The following ADAMTSL1 variants were observed in gnomAD, a reference collection of about 807,000 sequenced individuals.
ADAMTSL1 encodes ADAMTS-like protein 1.
Under a neutral mutation model 201.8 loss-of-function variants are expected in ADAMTSL1, and 126 were observed. The observed-to-expected ratio is 0.62, with a 90% CI of 0.54 to 0.72. The LOEUF (loss-of-function observed/expected upper bound fraction) is 0.72, where lower values mean the gene tolerates loss of function less well. Among genes scored for constraint, ADAMTSL1 ranks in the 30% least tolerant of loss-of-function variants. The pLI is 0.00. For synonymous variants in ADAMTSL1, 1,121 were observed against 903.4 expected (o/e 1.24, Z -4.32); for missense variants, 2,679 against 2,277.8 (o/e 1.18, Z -3.59).
intron 2 of ADAMTSL1, among the ~76,000 whole-genome samples, chr9:18,313,501 A>C (rs1450532266): frequency 6.6e-6 from 1 of 152,188 alleles, no homozygotes; most frequent in Non-Finnish European, 1.5e-5. Flanking sequence ...AAACCTCCAG[A>C]GATTTTGATT....
intron 2 of ADAMTSL1, among the ~76,000 whole-genome samples, chr9:18,210,019 G>C (rs1479184475): frequency 2.6e-5 from 4 of 152,138 alleles, no homozygotes; most frequent in African/African-American, 9.6e-5. Context: ...AACAAAGTCT[G>C]CTTTATAAGT....
At chr9:18,245,840 A>T (rs961347235) in intron 2 of ADAMTSL1, among the ~76,000 whole-genome samples, 3 of 152,172 alleles carry the variant, frequency 2.0e-5, no homozygotes, top group Non-Finnish European at 2.9e-5. Flanking sequence ...AAGTTTCTGC[A>T]TGCAAAATTT....
chr9:18,861,531 C>T (rs1827216969), intron 23 of ADAMTSL1, among the ~76,000 whole-genome samples: 1 of 152,196 alleles, frequency 6.6e-6, no homozygotes, highest in African/African-American at 2.4e-5. Context: ...CTGAGAACCA[C>T]ACCCAAAGAA....
At chr9:18,146,042 C>T (rs887150657) in intron 1 of ADAMTSL1, among the ~76,000 whole-genome samples, 2 of 152,046 alleles carry the variant, frequency 1.3e-5, no homozygotes, top group African/African-American at 2.4e-5. Flanking sequence ...ATACTACACA[C>T]CTATTAGAAT....
chr9:18,094,560 T>G (rs1402188060), intron 1 of ADAMTSL1, among the ~76,000 whole-genome samples: 1 of 152,038 alleles, frequency 6.6e-6, no homozygotes, highest in Non-Finnish European at 1.5e-5. Context: ...TGACTCTGCC[T>G]CATTTCATCA....
In ADAMTSL1 at chr9:18,703,701, CATATATATATATATAT is replaced by C. The variant is rs72258520; in HGVS notation, c.1575-3027_1575-3012del. Among the ~76,000 whole-genome samples the C allele has an allele frequency of 5.6e-3, 442 of 78,826 alleles. 20 individuals carry two copies. Among genetic ancestry groups the C allele is most frequent in the African/African-American group, 9.5e-3 (203 of 21,342 alleles). 51.7% of individuals were successfully genotyped at this position (78,826 alleles called of 152,430 possible). On this transcript the variant is annotated intron_variant, in intron 13 of 28. Transcript: ENST00000380548. ...AATTACACACGTGCATGCGCACATA[CATATATATATATATAT>C]ATATATATATATATATATGTTTTAA...
At chr9:18,730,722 T>C (rs1818165572) in intron 15 of ADAMTSL1, among the ~76,000 whole-genome samples, 1 of 152,234 alleles carries the variant, frequency 6.6e-6, no homozygotes, top group South Asian at 2.1e-4. Flanking sequence ...TACCTTCTCA[T>C]GAGGCTTCAA....
chr9:18,907,264 A>C, intron 28 of ADAMTSL1: 1 of 277,898 alleles, frequency 3.6e-6, no homozygotes, highest in Non-Finnish European at 6.8e-6. Flanking sequence ...CAGGCTACTA[A>C]ACAGAAAATG....
intron 2 of ADAMTSL1, among the ~76,000 whole-genome samples, chr9:18,254,643 G>A (rs968442775): frequency 6.0e-5 from 9 of 151,044 alleles, no homozygotes; most frequent in South Asian, 2.1e-4. Context: ...GATTACAGGC[G>A]TGAGCCACCG....
chr9:18,629,216 C>G (rs191956059), intron 5 of ADAMTSL1, among the ~76,000 whole-genome samples: 1 of 150,866 alleles, frequency 6.6e-6, no homozygotes, highest in African/African-American at 2.4e-5. Flanking sequence ...GGTTTTGCCT[C>G]TTTTCAATTT....
chr9:17,927,405 T>C (rs1214062503), intron 1 of ADAMTSL1, among the ~76,000 whole-genome samples: 5 of 151,368 alleles, frequency 3.3e-5, no homozygotes, highest in African/African-American at 7.3e-5. Context: ...CATATATACA[T>C]ATGTATGTGT....
At chr9:18,119,361 C>T (rs984099752) in intron 1 of ADAMTSL1, among the ~76,000 whole-genome samples, 26 of 152,064 alleles carry the variant, frequency 1.7e-4, no homozygotes, top group Middle Eastern at 3.4e-3. Flanking sequence ...GGCGTGATCT[C>T]GGCTTACTGC....
At chr9:18,230,107 T>C (rs965827179) in intron 2 of ADAMTSL1, among the ~76,000 whole-genome samples, 1 of 152,104 alleles carries the variant, frequency 6.6e-6, no homozygotes. Context: ...CATTGCCTGG[T>C]GAAAACAAAC....
chr9:18,881,498 C>T (rs983917079), intron 23 of ADAMTSL1, among the ~76,000 whole-genome samples: 4 of 152,192 alleles, frequency 2.6e-5, no homozygotes, highest in African/African-American at 9.6e-5. Context: ...AGAATACAAA[C>T]ATTTATCAAT....
At chr9:18,775,388 C>T (rs1400696490) in intron 17 of ADAMTSL1, among the ~76,000 whole-genome samples, 1 of 152,182 alleles carries the variant, frequency 6.6e-6, no homozygotes, top group African/African-American at 2.4e-5. Context: ...AATTCCCAGG[C>T]TTGCAAACTA....
intron 3 of ADAMTSL1, among the ~76,000 whole-genome samples, chr9:18,560,930 C>T (rs1470504115): frequency 3.5e-5 from 4 of 113,144 alleles, no homozygotes; most frequent in Admixed American, 3.2e-4. Context: ...TGCTCTATTT[C>T]GTTAATCTTT....
chr9:18,454,220 G>A (rs1428290591), intron 2 of ADAMTSL1, among the ~76,000 whole-genome samples: 1 of 152,148 alleles, frequency 6.6e-6, no homozygotes, highest in Non-Finnish European at 1.5e-5. Context: ...GGGGGCTGAT[G>A]GTGTAAATCA....
intron 3 of ADAMTSL1, among the ~76,000 whole-genome samples, chr9:18,544,535 C>A (rs747731891): frequency 1.5e-4 from 23 of 151,966 alleles, no homozygotes; most frequent in Admixed American, 1.3e-3. Context: ...CAGCCAGCAT[C>A]ATCCCATGGA....
chr9:18,622,995 A>C (rs1826128448), intron 5 of ADAMTSL1, among the ~76,000 whole-genome samples: 1 of 152,192 alleles, frequency 6.6e-6, no homozygotes, highest in African/African-American at 2.4e-5. Flanking sequence ...TCCCGGGTTC[A>C]AGTGATTCTC....
Sources: allele counts gnomAD v4.1 joint callset (sites outside exome capture counted in the v4.1 genomes callset), GRCh38; gene constraint gnomAD v4.1.1; transcripts MANE v1.5; gene names NCBI Gene and HGNC (gene_info 2026-07-23, HGNC 2026-07-21).